The following MATR3 variants were observed in gnomAD, a reference collection of about 807,000 sequenced individuals.
MATR3 encodes matrin-3.
In MATR3, 4 loss-of-function variants were observed where a neutral mutation model predicts 85.5. The observed-to-expected ratio is 0.05, with a 90% CI of 0.02 to 0.11. MATR3 has a LOEUF of 0.11. Among genes scored for constraint, MATR3 ranks in the 10% least tolerant of loss-of-function variants. The probability of loss-of-function intolerance (pLI) is 1.00; values close to 1 mark genes in which losing one functional copy is unlikely to be tolerated. For synonymous variants in MATR3, 336 were observed against 343.1 expected (o/e 0.98, Z 0.23); for missense variants, 685 against 1,016.1 (o/e 0.67, Z 4.43).
chr5:139,317,560 G>C (rs1188352427), intron 6 of MATR3, 36 bp from the exon 7 acceptor site: 5 of 1,609,194 alleles, frequency 3.1e-6, no homozygotes, highest in Admixed American at 3.3e-5. Context: ...GCTTTAAAGA[G>C]ACTTAATTGC....
At chr5:139,306,310 T>G (rs1293653151) in intron 1 of MATR3, among the ~76,000 whole-genome samples, 1 of 152,200 alleles carries the variant, frequency 6.6e-6, no homozygotes, top group Admixed American at 6.5e-5. Context: ...CCAGGTGATT[T>G]GGGCTATTCT....
intron 2 of MATR3, chr5:139,278,819 G>A (rs762458094): frequency 2.3e-5 from 12 of 516,520 alleles, no homozygotes; most frequent in Non-Finnish European, 4.2e-5. Flanking sequence ...TGTGGTGCCT[G>A]TGATGGTGTT....
In MATR3 at chr5:139,322,410, A is replaced by C. The variant is rs528932363; in HGVS notation, c.1735-53A>C. 1.7e-5 allele frequency: 25 copies of C among 1,466,098 alleles called. No individual in the cohort carries two copies. The Admixed American group carries it at 3.0e-4, about 18-fold the overall frequency. The allele number at this position is 1,466,098 out of a possible 1,614,324, so 90.8% of individuals were successfully genotyped here. A position where few individuals can be genotyped will look rare whatever the true frequency, so the allele number is the denominator to read the frequency against. ...TTGTCTCCAATTATTAATTCACTGG[A>C]TAATTGTGTATTCTGCAAATGTGTT... On this transcript the variant is annotated intron_variant, in intron 10 of 14. Transcript: ENST00000394805.
At chr5:139,314,560 G>C in intron 2 of MATR3, 115 bp from the exon 3 acceptor site, 1 of 780,422 alleles carries the variant, frequency 1.3e-6, no homozygotes, top group Non-Finnish European at 2.2e-6. Flanking sequence ...TGAATGGGCA[G>C]GTGTTTGTAC....
At chr5:139,302,219 T>C (rs1412245039) in intron 1 of MATR3, among the ~76,000 whole-genome samples, 1 of 152,140 alleles carries the variant, frequency 6.6e-6, no homozygotes, top group Non-Finnish European at 1.5e-5. Context: ...CGCCTCGGCC[T>C]CCCAAAGTGC....
chr5:139,326,038 A>G, intron 13 of MATR3, 125 bp from the exon 14 acceptor site: 5 of 897,476 alleles, frequency 5.6e-6, no homozygotes, highest in Non-Finnish European at 8.6e-6. Flanking sequence ...TTTGTTTTTT[A>G]TCTTAGGCTG....
At chr5:139,318,187 G>A (rs987718032) in intron 7 of MATR3, among the ~76,000 whole-genome samples, 5 of 152,200 alleles carry the variant, frequency 3.3e-5, no homozygotes, top group Non-Finnish European at 5.9e-5. Flanking sequence ...AGGCTGGAGT[G>A]CAGTGGCGCG....
Position 139,319,156 on chromosome 5 carries a change from C to A in MATR3, c.1434+123C>A, listed in dbSNP as rs1416189901. 3.1e-6 allele frequency: 4 copies of A among 1,285,184 alleles called. No individual in the cohort carries two copies. The East Asian group carries it at 9.9e-5, about 32-fold the overall frequency. 79.6% of individuals were successfully genotyped at this position (1,285,184 alleles called of 1,614,324 possible). A position where few individuals can be genotyped will look rare whatever the true frequency, so the allele number is the denominator to read the frequency against. Reference sequence around the variant, plus strand: ...GTGGCTCACGCCTGTAATCCCAGCACCTTGGGAGGCCAAGGTCAGAAGGAT... The same window carrying A: ...GTGGCTCACGCCTGTAATCCCAGCAACTTGGGAGGCCAAGGTCAGAAGGAT... On this transcript the variant is annotated intron_variant, in intron 8 of 14. Transcript: ENST00000394805.
chr5:139,291,428 G>A (rs1486288990), upstream of MATR3, among the ~76,000 whole-genome samples: 3 of 152,236 alleles, frequency 2.0e-5, no homozygotes, highest in African/African-American at 7.2e-5. Flanking sequence ...AGGTACTCAA[G>A]AAATATTTCT....
intron 14 of MATR3, among the ~76,000 whole-genome samples, chr5:139,328,178 TAAAA>T (rs973702803): frequency 4.3e-5 from 6 of 138,776 alleles, no homozygotes; most frequent in Admixed American, 7.2e-5. Flanking sequence ...TTCCTTTTAT[TAAAA>T]AAAAAAAAAA....
chr5:139,286,378 CTG>C (rs1301275119), intron 3 of MATR3, among the ~76,000 whole-genome samples: 3 of 151,932 alleles, frequency 2.0e-5, no homozygotes, highest in East Asian at 1.9e-4. Flanking sequence ...TGGGGTCTCA[CTG>C]TGTTGATCAG....
At chr5:139,278,738 T>C (rs576243316) in intron 2 of MATR3, 2 of 495,092 alleles carry the variant, frequency 4.0e-6, no homozygotes, top group African/African-American at 1.9e-5. Flanking sequence ...CTGGAGTGCC[T>C]AGGTATCTGA....
chr5:139,317,562 C>T, intron 6 of MATR3, 34 bp from the exon 7 acceptor site: 2 of 1,609,972 alleles, frequency 1.2e-6, no homozygotes, highest in Non-Finnish European at 1.7e-6. Flanking sequence ...TTTAAAGAGA[C>T]TTAATTGCTT....
At chr5:139,324,293 T>TG (rs1426311031) in intron 12 of MATR3, among the ~76,000 whole-genome samples, 8 of 142,622 alleles carry the variant, frequency 5.6e-5, no homozygotes, top group Non-Finnish European at 1.1e-4. Context: ...CATGATTGTT[T>TG]TTTTTTTTTT....
At chr5:139,288,653 T>A (rs1753782424) in intron 3 of MATR3, among the ~76,000 whole-genome samples, 1 of 152,150 alleles carries the variant, frequency 6.6e-6, no homozygotes, top group Non-Finnish European at 1.5e-5. Context: ...ATCTCTTTTT[T>A]TTTTTGAGAC....
In MATR3 at chr5:139,325,489, A is replaced by C. The variant is rs752579537; in HGVS notation, c.2198A>C (p.Asn733Thr). 2 of 1,614,222 alleles carry C rather than the reference A, an allele frequency of 1.2e-6. No individual in the cohort carries two copies. The highest frequency in any genetic ancestry group is 8.5e-7 in the Non-Finnish European group (1 of 1,180,038). Residue 733 changes from asparagine to threonine, a missense_variant, in exon 13 of 15, where the codon AAT (asparagine) becomes ACT (threonine). By Grantham distance (65) the Asn-to-Thr change is moderately conservative. Coordinates refer to ENST00000394805, the MANE Select transcript of MATR3 (RefSeq NM_018834.6). Reference sequence around the variant, plus strand: ...CAAGAAAACGAAGCAGCGTTGGAAAATGGAATTAAAAATGAGGAAAACACA... The same window carrying C: ...CAAGAAAACGAAGCAGCGTTGGAAACTGGAATTAAAAATGAGGAAAACACA... ...LDQENEAALE[N>T]GIKNEENTEP...
chr5:139,293,941 C>T (rs1277782635), intron 1 of MATR3, 136 bp downstream of exon 1: 1 of 1,210,876 alleles, frequency 8.3e-7, no homozygotes, highest in South Asian at 3.5e-5. Context: ...CTCTGCCTCC[C>T]TCCGCGTTGC....
chr5:139,307,559 T>C lies in MATR3; in HGVS notation c.144T>C (p.Gly48=). Residue 48 remains glycine (G), a synonymous_variant, in exon 2 of 15, where the codon GGT becomes GGC. Transcript: ENST00000394805. This position sits in a 1 kb window ranked among gnomAD's most constrained non-coding sequence, Gnocchi z 4.4. ...MPASLGRMNQ[G]TARLASLMNL... is the part of the protein sequence containing the mutation. ...CATCTCTTGGAAGGATGAACCAGGG[T>C]ACTGCACGCCTTGCTAGTTTAATGA... 6.2e-7 allele frequency: 1 copy of C among 1,614,146 alleles called. No homozygotes were observed. Among genetic ancestry groups the C allele is most frequent in the Non-Finnish European group, 8.5e-7 (1 of 1,180,030 alleles).
chr5:139,275,440 T>C (rs1330747479), intron 1 of MATR3, among the ~76,000 whole-genome samples: 3 of 152,064 alleles, frequency 2.0e-5, no homozygotes. Context: ...CCCTCCTCTA[T>C]CCAGTGTTCC....
Sources: allele counts gnomAD v4.1 joint callset (sites outside exome capture counted in the v4.1 genomes callset), GRCh38; gene constraint gnomAD v4.1.1; non-coding constraint Gnocchi (gnomAD v3.1); transcripts MANE v1.5; gene names NCBI Gene and HGNC (gene_info 2026-07-23, HGNC 2026-07-21).